Variants in SH3PXD2A observed in about 807,000 individuals in gnomAD.
SH3PXD2A encodes SH3 and PX domain-containing protein 2A.
A neutral mutation model predicts 115.2 loss-of-function variants in SH3PXD2A; 32 were observed. The ratio of observed to expected loss-of-function variants is 0.28; its 90% CI spans 0.21 to 0.37. SH3PXD2A has a LOEUF of 0.37. Among genes scored for constraint, SH3PXD2A ranks in the 10% least tolerant of loss-of-function variants. The pLI, the probability that SH3PXD2A is intolerant of heterozygous loss-of-function variation, is 1.00. For missense variants in SH3PXD2A, 1,328 were observed against 1,498.7 expected, an observed-to-expected ratio of 0.89 and a Z score of 1.88; for synonymous variants, 610 against 629.1, an observed-to-expected ratio of 0.97 and a Z score of 0.45.
chr10:103,679,140 C>G (rs1025544525), intron 6 of SH3PXD2A, among the ~76,000 whole-genome samples: 1 of 152,224 alleles, frequency 6.6e-6, no homozygotes, highest in African/African-American at 2.4e-5. Flanking sequence ...GTGCCTTGCT[C>G]AGAGACCCCT....
At chr10:103,820,792 G>A (rs1307960952) in intron 1 of SH3PXD2A, among the ~76,000 whole-genome samples, 1 of 152,200 alleles carries the variant, frequency 6.6e-6, no homozygotes, top group Non-Finnish European at 1.5e-5. Flanking sequence ...GGCTCCAGAG[G>A]GTGGCTAGGG....
intron 12 of SH3PXD2A, among the ~76,000 whole-genome samples, chr10:103,612,288 T>C (rs931406746): frequency 6.6e-6 from 1 of 152,148 alleles, no homozygotes; most frequent in Non-Finnish European, 1.5e-5. Flanking sequence ...AAACTGCCTG[T>C]GTAGAGTGGT....
Position 103,602,767 on chromosome 10 carries a change from TCTC to T in SH3PXD2A, c.2448_2450del (p.Arg817del), listed in dbSNP as rs760033720. On this transcript the variant is annotated inframe_deletion, in exon 15 of 15. Coordinates refer to ENST00000369774, the MANE Select transcript of SH3PXD2A (RefSeq NM_001394015.1). ...GGAGGGTGATGAGGTCGGATGAGCTTCTCCTAGACCCCTCACTGGGAGCCTCGG... is the reference window on the plus strand; with the variant it reads ...GGAGGGTGATGAGGTCGGATGAGCTTCTAGACCCCTCACTGGGAGCCTCGG... The T allele has an allele frequency of 6.2e-7, 1 of 1,613,950 alleles. No homozygotes were observed. The highest frequency in any genetic ancestry group is 8.5e-7 in the Non-Finnish European group (1 of 1,179,948).
At chr10:103,733,781 A>AT (rs34966293) in intron 4 of SH3PXD2A, among the ~76,000 whole-genome samples, 2 of 152,056 alleles carry the variant, frequency 1.3e-5, no homozygotes, top group South Asian at 2.1e-4. Context: ...ATTTTATTTT[A>AT]TTTTTTTAGG....
chr10:103,596,874 C>T lies in SH3PXD2A; in HGVS notation c.*4942G>A, dbSNP rs2036144120. 6.6e-6 allele frequency: 1 copy of T among 152,554 alleles called. No homozygotes were observed. The allele number at this position is 152,554 out of a possible 1,614,324, so 9.5% of individuals were successfully genotyped here. A position where few individuals can be genotyped will look rare whatever the true frequency, so the allele number is the denominator to read the frequency against. On this transcript the variant is annotated 3_prime_UTR_variant, in exon 15 of 15. Transcript: ENST00000369774. ...AGAGATCTGTGTCTGTGCAGAAATT[C>T]ACCAAATAGGGGGTTGAAGTAGCAA...
At chr10:103,633,341 G>A (rs759377355) in intron 8 of SH3PXD2A, among the ~76,000 whole-genome samples, 13 of 151,562 alleles carry the variant, frequency 8.6e-5, no homozygotes, top group Non-Finnish European at 1.6e-4. Flanking sequence ...ACTTGAGCCC[G>A]GGAGCCGGAG....
At chr10:103,730,300 A>G (rs1452487861) in intron 4 of SH3PXD2A, among the ~76,000 whole-genome samples, 2 of 139,516 alleles carry the variant, frequency 1.4e-5, no homozygotes, top group African/African-American at 2.7e-5. Context: ...TTTTTAAAGC[A>G]TCAGTTTCTA....
At chr10:103,719,262 C>G (rs7094461) in intron 5 of SH3PXD2A, among the ~76,000 whole-genome samples, 113,298 of 152,118 alleles carry the variant, frequency 0.74, 42,725 homozygotes, top group African/African-American at 0.86. Context: ...CGGGTGCTGA[C>G]GAGGTTGGGA....
At chr10:103,606,955 C>A (rs1358501380) in intron 13 of SH3PXD2A, among the ~76,000 whole-genome samples, 4 of 150,354 alleles carry the variant, frequency 2.7e-5, no homozygotes, top group African/African-American at 9.8e-5. Flanking sequence ...CCTGGCCGCC[C>A]ATCGTCTGGG....
intron 6 of SH3PXD2A, among the ~76,000 whole-genome samples, chr10:103,672,823 G>A (rs1406370961): frequency 1.3e-5 from 2 of 152,232 alleles, no homozygotes; most frequent in Non-Finnish European, 2.9e-5. Flanking sequence ...AAAAGCAGTA[G>A]GTTCCTGGAA....
chr10:103,702,935 CGT>C (rs1449019668), intron 5 of SH3PXD2A, among the ~76,000 whole-genome samples: 1 of 152,064 alleles, frequency 6.6e-6, no homozygotes, highest in East Asian at 1.9e-4. Flanking sequence ...CTCTGTGTCA[CGT>C]GTGTGTATGG....
intron 3 of SH3PXD2A, 98 bp from the exon 4 acceptor site, chr10:103,735,906 G>T: frequency 1.1e-6 from 1 of 916,534 alleles, no homozygotes; most frequent in Non-Finnish European, 1.8e-6. Flanking sequence ...TCTTAGTCCA[G>T]CACTACCTGC....
At chr10:103,758,023 C>T (rs185616306) in intron 3 of SH3PXD2A, among the ~76,000 whole-genome samples, 115 of 152,312 alleles carry the variant, frequency 7.6e-4, no homozygotes, top group Non-Finnish European at 8.2e-4. Flanking sequence ...CGCCACACAG[C>T]GCTTTCCATG....
chr10:103,633,851 C>G (rs1054710424), intron 8 of SH3PXD2A, among the ~76,000 whole-genome samples: 2 of 151,142 alleles, frequency 1.3e-5, no homozygotes, highest in Non-Finnish European at 2.9e-5. Flanking sequence ...AGCTCCTGGT[C>G]AGCAGTTAAT....
chr10:103,810,271 A>C (rs1352121677), intron 1 of SH3PXD2A, among the ~76,000 whole-genome samples: 1 of 152,176 alleles, frequency 6.6e-6, no homozygotes, highest in Non-Finnish European at 1.5e-5. Flanking sequence ...GCAACCAACA[A>C]ATATCCAGTG....
chr10:103,757,753 C>T (rs749826471), intron 3 of SH3PXD2A, among the ~76,000 whole-genome samples: 2 of 152,152 alleles, frequency 1.3e-5, no homozygotes, highest in African/African-American at 4.8e-5. Flanking sequence ...GATCAGAGGC[C>T]GGATCCCCAC....
intron 11 of SH3PXD2A, among the ~76,000 whole-genome samples, chr10:103,614,802 G>C (rs2036484188): frequency 6.6e-6 from 1 of 152,056 alleles, no homozygotes; most frequent in Admixed American, 6.6e-5. Flanking sequence ...TTGTTCTTGG[G>C]CGCTCATTAG....
At chr10:103,684,407 G>A (rs1213510045) in intron 6 of SH3PXD2A, among the ~76,000 whole-genome samples, 2 of 151,432 alleles carry the variant, frequency 1.3e-5, no homozygotes, top group Non-Finnish European at 2.9e-5. Context: ...CACCCAGGCT[G>A]GAGTGCAGTG....
At chr10:103,662,386 C>CTTTTTTT (rs571936334) in intron 7 of SH3PXD2A, among the ~76,000 whole-genome samples, 8 of 39,718 alleles carry the variant, frequency 2.0e-4, no homozygotes, top group African/African-American at 7.2e-4. Context: ...ATATGATGTG[C>CTTTTTTT]TTTTTTTTTT....
Sources: allele counts gnomAD v4.1 joint callset (sites outside exome capture counted in the v4.1 genomes callset), GRCh38; gene constraint gnomAD v4.1.1; transcripts MANE v1.5; gene names NCBI Gene and HGNC (gene_info 2026-07-23, HGNC 2026-07-21).